Variants in PLEKHD1 observed in about 807,000 individuals in gnomAD.
PLEKHD1 encodes pleckstrin homology domain-containing family D member 1.
PLEKHD1 carries 51 observed loss-of-function variants against 69.2 expected under a neutral mutation model. The observed-to-expected ratio is 0.74, with a 90% CI of 0.59 to 0.93. The LOEUF is 0.93. Among genes scored for constraint, PLEKHD1 ranks in the 40% least tolerant of loss-of-function variants. The pLI, the probability that PLEKHD1 is intolerant of heterozygous loss-of-function variation, is 0.00. For synonymous variants in PLEKHD1, 236 were observed against 244.7 expected (o/e 0.96, Z 0.33); for missense variants, 584 against 641.0 (o/e 0.91, Z 0.96).
rs1253940931 is a variant in PLEKHD1 at position 69,484,942 on chromosome 14, C to A, written c.-24C>A. The A allele has an allele frequency of 1.9e-6, 3 of 1,547,348 alleles. No individual in the cohort carries two copies. Among genetic ancestry groups the A allele is most frequent in the Non-Finnish European group, 2.6e-6 (3 of 1,144,368 alleles). On this transcript the variant is annotated 5_prime_UTR_variant, in exon 1 of 13. Coordinates refer to ENST00000322564, the MANE Select transcript of PLEKHD1 (RefSeq NM_001161498.2). ...GACCCCGGGGAGGTGGGGTCCGGGC[C>A]GGGCACAGCCCCGCTGAGGCAGGAT...
At chr14:69,505,255 C>T (rs569267901) in intron 6 of PLEKHD1, among the ~76,000 whole-genome samples, 6 of 152,174 alleles carry the variant, frequency 3.9e-5, no homozygotes, top group Non-Finnish European at 8.8e-5. Context: ...TTTTTGTCAG[C>T]TGCATGCTCT....
At chr14:69,497,109 A>G (rs1048673972) in intron 1 of PLEKHD1, among the ~76,000 whole-genome samples, 3 of 152,130 alleles carry the variant, frequency 2.0e-5, no homozygotes, top group African/African-American at 4.8e-5. Flanking sequence ...GGAATGCATC[A>G]CTCAGCGCTG....
chr14:69,514,742 G>T (rs1484311075), intron 6 of PLEKHD1, among the ~76,000 whole-genome samples: 1 of 152,024 alleles, frequency 6.6e-6, no homozygotes, highest in African/African-American at 2.4e-5. Context: ...TTGGTGAGTT[G>T]CGCCCCTGGA....
In PLEKHD1 at chr14:69,527,190, T is replaced by C. The variant is rs1883672160; in HGVS notation, c.1059T>C (p.Ala353=). ...CATTTCCCTCTCCTCAACCTCAGGC[T>C]GAGGTGAAGGTCCGCATGGACCTGG... is the stretch of plus-strand genomic sequence containing the variant. ...EKQQAERELK[A]EVKVRMDLER... is the part of the protein sequence containing the mutation. Residue 353 remains alanine, a splice_region_variant and synonymous_variant, in exon 11 of 13, where the codon GCT becomes GCC. Transcript: ENST00000322564. 1 of 1,542,854 alleles carries C rather than the reference T, an allele frequency of 6.5e-7. No individual in the cohort carries two copies. The highest frequency in any genetic ancestry group is 2.0e-5 in the Admixed American group (1 of 49,012).
intron 6 of PLEKHD1, among the ~76,000 whole-genome samples, chr14:69,507,283 CTTT>C (rs1883174151): frequency 6.6e-6 from 1 of 152,166 alleles, no homozygotes; most frequent in Non-Finnish European, 1.5e-5. Context: ...AGATTGGCTT[CTTT>C]CACTTAGTAA....
intron 6 of PLEKHD1, among the ~76,000 whole-genome samples, chr14:69,513,915 A>G (rs1361235096): frequency 6.6e-6 from 1 of 152,156 alleles, no homozygotes; most frequent in African/African-American, 2.4e-5. Context: ...ATTTCACTCC[A>G]TTCTTTTCTT....
At chr14:69,501,391 C>T in intron 4 of PLEKHD1, 1 of 312,526 alleles carries the variant, frequency 3.2e-6, no homozygotes, top group Non-Finnish European at 6.0e-6. Flanking sequence ...TCCAAAAACA[C>T]CGACCGTGTG....
At chr14:69,473,440 T>A in the PLEKHD1 span, among the ~76,000 whole-genome samples, 2 of 148,680 alleles carry the variant, frequency 1.3e-5, no homozygotes, top group Non-Finnish European at 3.0e-5. Flanking sequence ...CCTCACTTGG[T>A]GAGGGCTGCT....
intron 5 of PLEKHD1, 78 bp downstream of exon 5, chr14:69,501,903 G>A: frequency 1.5e-6 from 2 of 1,296,790 alleles, no homozygotes; most frequent in Admixed American, 2.3e-5. Flanking sequence ...GGTAAAGGAT[G>A]CAGCAGGGAT....
At chr14:69,497,133 G>A (rs1402267358) in intron 1 of PLEKHD1, among the ~76,000 whole-genome samples, 2 of 152,158 alleles carry the variant, frequency 1.3e-5, no homozygotes, top group African/African-American at 4.8e-5. Flanking sequence ...TGAGTCCTCC[G>A]CAGATTGGTG....
At chr14:69,498,038 T>TTTTA (rs1392300538) in intron 1 of PLEKHD1, among the ~76,000 whole-genome samples, 1,835 of 140,114 alleles carry the variant, frequency 0.013, 18 homozygotes, top group Middle Eastern at 0.022. Flanking sequence ...TTTTGTTTTA[T>TTTTA]TTTATTTTAT....
intron 6 of PLEKHD1, among the ~76,000 whole-genome samples, chr14:69,514,570 C>A (rs535961201): frequency 6.6e-6 from 1 of 152,144 alleles, no homozygotes; most frequent in Non-Finnish European, 1.5e-5. Flanking sequence ...CATATCTAAT[C>A]TGGTTCTGAT....
chr14:69,507,594 C>T (rs1883180040), intron 6 of PLEKHD1, among the ~76,000 whole-genome samples: 1 of 152,220 alleles, frequency 6.6e-6, no homozygotes, highest in Non-Finnish European at 1.5e-5. Flanking sequence ...AAACTGTCTT[C>T]CAAAGTAGCT....
the PLEKHD1 span, among the ~76,000 whole-genome samples, chr14:69,477,814 GCCCCCCT>G: frequency 6.6e-6 from 1 of 152,200 alleles, no homozygotes; most frequent in Non-Finnish European, 1.5e-5. Flanking sequence ...GCAGGGTACA[GCCCCCCT>G]CCTGGCTGCC....
rs1341158984 is a variant in PLEKHD1 at position 69,484,990 on chromosome 14, G to A, written c.25G>A (p.Val9Met). The A allele has an allele frequency of 6.4e-7, 1 of 1,551,260 alleles. No individual in the cohort carries two copies. The highest frequency in any genetic ancestry group is 8.7e-7 in the Non-Finnish European group (1 of 1,146,878). ...GATGTTCACGTCCAAGTCCAACTCG[G>A]TGTCGCCCTCGCCGTCCCTGGAGCA... MFTSKSNS[V>M]SPSPSLEQAD... The change falls in exon 1 of 13, where the codon GTG (valine) becomes ATG (methionine). Residue 9 changes from valine (V) to methionine (M), a missense_variant. Coordinates refer to ENST00000322564, the MANE Select transcript of PLEKHD1 (RefSeq NM_001161498.2).
At chr14:69,524,461 T>A (rs922414776) in intron 8 of PLEKHD1, 139 bp downstream of exon 8, 1 of 721,894 alleles carries the variant, frequency 1.4e-6, no homozygotes, top group African/African-American at 1.8e-5. Flanking sequence ...ATCTAAAGGG[T>A]CTCTTCTCTA....
chr14:69,490,382 G>A (rs150382876), intron 1 of PLEKHD1, among the ~76,000 whole-genome samples: 3 of 152,296 alleles, frequency 2.0e-5, no homozygotes, highest in African/African-American at 7.2e-5. Flanking sequence ...CTGACAGGAG[G>A]CGGAGCTCAG....
chr14:69,523,542 G>A (rs865795851), intron 7 of PLEKHD1, among the ~76,000 whole-genome samples: 4 of 152,310 alleles, frequency 2.6e-5, no homozygotes, highest in Non-Finnish European at 5.9e-5. Context: ...CCACTCCCTT[G>A]AAGAGTGGAC....
chr14:69,511,071 C>T (rs1047548796), intron 6 of PLEKHD1, among the ~76,000 whole-genome samples: 5 of 152,138 alleles, frequency 3.3e-5, no homozygotes, highest in Admixed American at 3.3e-4. Flanking sequence ...ATTGAACCAG[C>T]CTTGTATACT....
Sources: allele counts gnomAD v4.1 joint callset (sites outside exome capture counted in the v4.1 genomes callset), GRCh38; gene constraint gnomAD v4.1.1; transcripts MANE v1.5; gene names NCBI Gene and HGNC (gene_info 2026-07-23, HGNC 2026-07-21).